The following NAALADL2 variants were observed in gnomAD, a reference collection of about 807,000 sequenced individuals.
NAALADL2 encodes inactive N-acetylated-alpha-linked acidic dipeptidase-like protein 2.
Under a neutral mutation model 87.2 loss-of-function variants are expected in NAALADL2, and 76 were observed. The observed-to-expected ratio is 0.87, with a 90% CI of 0.72 to 1.05. The LOEUF (loss-of-function observed/expected upper bound fraction) is 1.05, where lower values mean the gene tolerates loss of function less well. Among genes scored for constraint, NAALADL2 ranks in the 50% least tolerant of loss-of-function variants. The pLI is 0.00. For missense variants in NAALADL2, 1,089 were observed against 945.8 expected (o/e 1.15, Z -1.99); for synonymous variants, 354 against 331.0 (o/e 1.07, Z -0.75).
intron 11 of NAALADL2, among the ~76,000 whole-genome samples, chr3:175,656,310 G>A (rs184872680): frequency 6.6e-6 from 1 of 152,270 alleles, no homozygotes; most frequent in Non-Finnish European, 1.5e-5. Flanking sequence ...CTGCATATTT[G>A]TTTAATATCT....
chr3:175,632,805 G>A (rs556278795), intron 11 of NAALADL2, among the ~76,000 whole-genome samples: 1 of 152,170 alleles, frequency 6.6e-6, no homozygotes, highest in East Asian at 1.9e-4. Context: ...TTGAATATGA[G>A]GTTGTAGTTC....
intron 9 of NAALADL2, among the ~76,000 whole-genome samples, chr3:175,575,564 GGTGA>G (rs1718748448): frequency 6.6e-6 from 1 of 151,868 alleles, no homozygotes; most frequent in Non-Finnish European, 1.5e-5. Flanking sequence ...GGATTACAGG[GGTGA>G]GCCACCACGC....
chr3:175,246,627 A>T (rs1581103374), intron 3 of NAALADL2, among the ~76,000 whole-genome samples: 1 of 152,266 alleles, frequency 6.6e-6, no homozygotes, highest in African/African-American at 2.4e-5. Context: ...TTCCTGACTT[A>T]GTTACTTTTA....
chr3:175,390,754 T>G (rs1409824473), intron 5 of NAALADL2, among the ~76,000 whole-genome samples: 1 of 152,122 alleles, frequency 6.6e-6, no homozygotes, highest in Admixed American at 6.6e-5. Flanking sequence ...AAAGAGGAAA[T>G]GTATACTCTA....
chr3:175,177,495 T>C (rs1250927121), intron 2 of NAALADL2, among the ~76,000 whole-genome samples: 1 of 152,060 alleles, frequency 6.6e-6, no homozygotes, highest in Non-Finnish European at 1.5e-5. Flanking sequence ...ATAAAATTAT[T>C]GGAATGAATT....
chr3:175,199,858 A>G (rs1373933759), intron 2 of NAALADL2, among the ~76,000 whole-genome samples: 211 of 17,702 alleles, frequency 0.012, 8 homozygotes, highest in African/African-American at 0.051. Flanking sequence ...ATATATATAT[A>G]TATATATTTT....
At chr3:174,821,410 A>G (rs1237145757) in intron 3 of NAALADL2, among the ~76,000 whole-genome samples, 1 of 152,158 alleles carries the variant, frequency 6.6e-6, no homozygotes, top group Non-Finnish European at 1.5e-5. Flanking sequence ...TTGCTATTGT[A>G]TTTATTAGCA....
chr3:174,781,913 T>C (rs480545), intron 3 of NAALADL2, among the ~76,000 whole-genome samples: 45,418 of 151,764 alleles, frequency 0.3, 6,790 homozygotes, highest in Middle Eastern at 0.34. Context: ...TTCTTTCCTT[T>C]ATTGATGTAA....
chr3:175,093,414 T>TATATATATA (rs1553771396), intron 1 of NAALADL2, among the ~76,000 whole-genome samples: 3,934 of 117,586 alleles, frequency 0.033, 68 homozygotes, highest in African/African-American at 0.045. Context: ...CATTTTATTT[T>TATATATATA]TTTATATATA....
At chr3:174,808,523 T>G (rs533579932) in intron 3 of NAALADL2, among the ~76,000 whole-genome samples, 14 of 152,282 alleles carry the variant, frequency 9.2e-5, no homozygotes, top group Admixed American at 5.2e-4. Context: ...ATAGACATGG[T>G]AAAATGCTGC....
chr3:175,725,445 G>C (rs914629683), intron 11 of NAALADL2, among the ~76,000 whole-genome samples: 1 of 152,028 alleles, frequency 6.6e-6, no homozygotes, highest in African/African-American at 2.4e-5. Context: ...AGGAAAGCAG[G>C]ATCTACAGAC....
At chr3:174,482,928 C>T (rs1038516361) in intron 1 of NAALADL2, among the ~76,000 whole-genome samples, 2 of 152,008 alleles carry the variant, frequency 1.3e-5, no homozygotes, top group African/African-American at 4.8e-5. Context: ...CTTTCCCACT[C>T]AAGAAATCAT....
intron 10 of NAALADL2, among the ~76,000 whole-genome samples, chr3:175,595,855 A>G (rs1239164160): frequency 6.6e-6 from 1 of 152,014 alleles, no homozygotes; most frequent in African/African-American, 2.4e-5. Flanking sequence ...CTATGAAACT[A>G]CCAATGTCAT....
At chr3:174,817,201 T>C (rs1276927717) in intron 3 of NAALADL2, among the ~76,000 whole-genome samples, 1 of 152,180 alleles carries the variant, frequency 6.6e-6, no homozygotes, top group Non-Finnish European at 1.5e-5. Context: ...TAACCCACAA[T>C]CTTAATAATG....
At chr3:174,753,177 G>A (rs955234159) in intron 3 of NAALADL2, among the ~76,000 whole-genome samples, 4 of 151,910 alleles carry the variant, frequency 2.6e-5, no homozygotes, top group African/African-American at 7.3e-5. Context: ...CATCTCAAGC[G>A]ATTCTCCTGC....
chr3:175,774,244 T>C (rs143684073), intron 13 of NAALADL2, among the ~76,000 whole-genome samples: 101 of 152,232 alleles, frequency 6.6e-4, no homozygotes, highest in African/African-American at 2.0e-3. Flanking sequence ...GATATTTATA[T>C]GCTTTCCTTG....
intron 2 of NAALADL2, among the ~76,000 whole-genome samples, chr3:175,120,499 A>C (rs1219320644): frequency 6.6e-6 from 1 of 151,860 alleles, no homozygotes; most frequent in African/African-American, 2.4e-5. Context: ...ACTGGTGTTC[A>C]TGCAGTTCTA....
intron 1 of NAALADL2, among the ~76,000 whole-genome samples, chr3:174,483,743 G>A (rs191913668): frequency 6.6e-6 from 1 of 152,086 alleles, no homozygotes; most frequent in East Asian, 1.9e-4. Flanking sequence ...AGGAGAATGA[G>A]GAGAAAAGTG....
chr3:175,741,519 G>C (rs1745233204), intron 12 of NAALADL2, among the ~76,000 whole-genome samples: 1 of 152,032 alleles, frequency 6.6e-6, no homozygotes, highest in African/African-American at 2.4e-5. Flanking sequence ...ACACACAGTA[G>C]ATGGGTAAAT....
Sources: gnomAD v4.1 joint callset for allele counts (sites outside exome capture counted in the v4.1 genomes callset) on GRCh38, gnomAD v4.1.1 for gene constraint, MANE v1.5 for transcripts, NCBI Gene and HGNC (gene_info 2026-07-23, HGNC 2026-07-21) for gene names.